The following PDE2A variants were observed in gnomAD, a reference collection of about 807,000 sequenced individuals.
PDE2A encodes phosphodiesterase 2A.
In PDE2A, 53 loss-of-function variants were observed where a neutral mutation model predicts 133.6. That is an observed-to-expected ratio of 0.40 (90% confidence interval 0.32 to 0.50). The LOEUF is 0.50. Among genes scored for constraint, PDE2A ranks in the 20% least tolerant of loss-of-function variants. PDE2A has a pLI of 0.73. For synonymous variants in PDE2A, 491 were observed against 490.2 expected, an observed-to-expected ratio of 1.00 and a Z score of -0.02; for missense variants, 796 against 1,232.4, an observed-to-expected ratio of 0.65 and a Z score of 5.30.
chr11:72,670,779 G>A (rs1565201421), intron 1 of PDE2A, among the ~76,000 whole-genome samples: 1 of 152,142 alleles, frequency 6.6e-6, no homozygotes, highest in East Asian at 1.9e-4. Flanking sequence ...CATAAGGCCA[G>A]GCTGGGTAGC....
rs565888363 is a variant in PDE2A, at chr11:72,655,729, C to T, written c.72-13403G>A. On this transcript the variant is annotated intron_variant, in intron 1 of 30. Coordinates refer to ENST00000334456, the MANE Select transcript of PDE2A (RefSeq NM_002599.5). ...TGATACATATGGCTCTGCAACAATACTTGCCATACAATATTCTTTTGCTAC... is the reference window on the plus strand; with the variant it reads ...TGATACATATGGCTCTGCAACAATATTTGCCATACAATATTCTTTTGCTAC... 8.5e-5 allele frequency among the ~76,000 whole-genome samples: 13 copies of T among 152,254 alleles called. No individual in the cohort carries two copies. In the South Asian group the frequency reaches 2.5e-3, roughly 29 times the overall value.
Position 72,674,221 on chromosome 11 carries a change from C to G in PDE2A, c.-14G>C, listed in dbSNP as rs539393927. ...TGCCTGCCCCATCACTCCTCATCGT[C>G]CGCCTCCCCAGCCAGACTAAGGTGG... On this transcript the variant is annotated 5_prime_UTR_variant, in exon 1 of 31. Transcript: ENST00000334456. The G allele has an allele frequency of 3.1e-6, 5 of 1,606,056 alleles. No individual in the cohort carries two copies. In the African/African-American group the frequency reaches 5.3e-5, roughly 17 times the overall value.
At chr11:72,631,397 G>A (rs754979354) in intron 2 of PDE2A, among the ~76,000 whole-genome samples, 10 of 152,062 alleles carry the variant, frequency 6.6e-5, no homozygotes, top group South Asian at 2.1e-4. Context: ...GGCTCCTAAG[G>A]AGTGGAAATG....
chr11:72,636,137 T>C, intron 2 of PDE2A: 2 of 1,184,108 alleles, frequency 1.7e-6, no homozygotes, highest in Non-Finnish European at 2.2e-6. Context: ...GAGTACAGGC[T>C]CTGCAGAGGA....
At chr11:72,669,021 C>G in intron 1 of PDE2A, 11 of 969,542 alleles carry the variant, frequency 1.1e-5, no homozygotes, top group Non-Finnish European at 1.4e-5. Context: ...TTTGTGAGCA[C>G]CTGCCGCATG....
At chr11:72,669,662 G>T (rs930269877) in intron 1 of PDE2A, among the ~76,000 whole-genome samples, 2 of 152,130 alleles carry the variant, frequency 1.3e-5, no homozygotes, top group African/African-American at 4.8e-5. Context: ...CTGGAGGCTG[G>T]GGCAGAGGGG....
At position 72,576,677 on chromosome 11, in the gene PDE2A, C is replaced by G. The variant is rs1297624405; in HGVS notation, c.*707G>C. On this transcript the variant is annotated 3_prime_UTR_variant, in exon 31 of 31. Coordinates refer to ENST00000334456, the MANE Select transcript of PDE2A (RefSeq NM_002599.5). ...GGGAAGAGACTCGCCCAGCGTCACA[C>G]AGGCAGGAGGAAGCATGGCTGGCTC... The G allele has an allele frequency of 1.2e-5, 2 of 169,420 alleles. No individual in the cohort carries two copies. Among genetic ancestry groups the G allele is most frequent in the Middle Eastern group, 5.1e-4 (1 of 1,950 alleles). 10.5% of individuals were successfully genotyped at this position (169,420 alleles called of 1,614,324 possible). A position where few individuals can be genotyped will look rare whatever the true frequency, so the allele number is the denominator to read the frequency against.
intron 2 of PDE2A, among the ~76,000 whole-genome samples, chr11:72,641,679 G>A (rs1050035240): frequency 8.5e-5 from 13 of 152,296 alleles, no homozygotes; most frequent in African/African-American, 3.1e-4. Context: ...TCGGGGAGTG[G>A]GTCCCACAGA....
Position 72,590,024 on chromosome 11 carries a change from G to A in PDE2A, c.757-43C>T, listed in dbSNP as rs1417518389. 3 of 1,547,956 alleles carry A rather than the reference G, an allele frequency of 1.9e-6. No individual in the cohort carries two copies. The highest frequency in any genetic ancestry group is 2.6e-6 in the Non-Finnish European group (3 of 1,133,580). ...AGGGCGAGGGGGTGACCGCGGATCC[G>A]GGTCACCCCACTCCCCACCTGCTCC... On this transcript the variant is annotated intron_variant, in intron 9 of 30. Coordinates refer to ENST00000334456, the MANE Select transcript of PDE2A (RefSeq NM_002599.5). The surrounding 1 kb of genome is among the most constrained non-coding windows in gnomAD (Gnocchi z 4.8).
intron 3 of PDE2A, among the ~76,000 whole-genome samples, chr11:72,608,410 C>T (rs1407108539): frequency 6.6e-6 from 1 of 152,214 alleles, no homozygotes; most frequent in Non-Finnish European, 1.5e-5. Context: ...TCCACTTAAC[C>T]TCTAAGGCCC....
intron 2 of PDE2A, among the ~76,000 whole-genome samples, chr11:72,638,865 A>G (rs1858825303): frequency 1.3e-5 from 2 of 152,240 alleles, no homozygotes. Context: ...CCAAAGCCAG[A>G]CAGTGTTGCC....
intron 2 of PDE2A, among the ~76,000 whole-genome samples, chr11:72,619,760 C>T (rs11820891): frequency 0.031 from 4,679 of 152,206 alleles, 246 homozygotes; most frequent in African/African-American, 0.11. Flanking sequence ...TCCTCCTCTG[C>T]GCACCCCTGT....
chr11:72,583,698 C>A, intron 19 of PDE2A, 183 bp from the exon 20 acceptor site: 1 of 590,644 alleles, frequency 1.7e-6, no homozygotes, highest in Non-Finnish European at 3.0e-6. Context: ...AGACCCCGCG[C>A]CGGTTCCTCC....
intron 22 of PDE2A, 31 bp downstream of exon 22, chr11:72,581,846 G>A (rs370269529): frequency 8.7e-5 from 140 of 1,604,430 alleles, no homozygotes; most frequent in Non-Finnish European, 1.1e-4. Flanking sequence ...AGAGGGAGGC[G>A]AAGACTGGGG....
In PDE2A at chr11:72,642,102, C is replaced by T. The variant is rs541233130; in HGVS notation, c.144+152G>A. The T allele has an allele frequency of 1.2e-5, 14 of 1,151,794 alleles. No individual in the cohort carries two copies. The East Asian group carries it at 4.2e-4, about 35-fold the overall frequency. 71.3% of individuals were successfully genotyped at this position (1,151,794 alleles called of 1,614,324 possible). A position where few individuals can be genotyped will look rare whatever the true frequency, so the allele number is the denominator to read the frequency against. On this transcript the variant is annotated intron_variant, in intron 2 of 30. Transcript: ENST00000334456. ...GGACTGAGAGCTGGGGCTTCAAGGGCTCTTGGTCTGCGCTGCCGTCCCAGC... is the reference window on the plus strand; with the variant it reads ...GGACTGAGAGCTGGGGCTTCAAGGGTTCTTGGTCTGCGCTGCCGTCCCAGC...
Position 72,590,056 on chromosome 11 carries a change from C to T in PDE2A, c.757-75G>A, listed in dbSNP as rs759654043. Reference sequence around the variant, plus strand: ...CCCACTCCCCACCTGCTCCCCTCTCCGGGGCTCTTCAGGCGGGTGGAGGAG... The same window carrying T: ...CCCACTCCCCACCTGCTCCCCTCTCTGGGGCTCTTCAGGCGGGTGGAGGAG... On this transcript the variant is annotated intron_variant, in intron 9 of 30. Transcript: ENST00000334456. The surrounding 1 kb of genome is among the most constrained non-coding windows in gnomAD (Gnocchi z 4.8). The T allele has an allele frequency of 2.8e-6, 4 of 1,430,080 alleles. No individual in the cohort carries two copies. The highest frequency in any genetic ancestry group is 3.8e-6 in the Non-Finnish European group (4 of 1,039,676). 88.6% of individuals were successfully genotyped at this position (1,430,080 alleles called of 1,614,324 possible). A position where few individuals can be genotyped will look rare whatever the true frequency, so the allele number is the denominator to read the frequency against.
intron 2 of PDE2A, among the ~76,000 whole-genome samples, chr11:72,637,545 C>T (rs926022806): frequency 6.6e-6 from 1 of 152,234 alleles, no homozygotes; most frequent in Admixed American, 6.5e-5. Flanking sequence ...GAACTGGAGA[C>T]TTCCTGGAGG....
intron 20 of PDE2A, among the ~76,000 whole-genome samples, chr11:72,582,791 A>C (rs1022124195): frequency 3.3e-5 from 5 of 152,270 alleles, no homozygotes; most frequent in Admixed American, 3.3e-4. Flanking sequence ...CTGTAACAGC[A>C]TAACCTTGGC....
chr11:72,590,153 C>G lies in PDE2A; in HGVS notation c.756+39G>C. ...GGGGAAGTTGGTCCCCGGAGGGAGACAGGACGGGGAGGTGGCCGGCAGGGG... is the reference window on the plus strand; with the variant it reads ...GGGGAAGTTGGTCCCCGGAGGGAGAGAGGACGGGGAGGTGGCCGGCAGGGG... On this transcript the variant is annotated intron_variant, in intron 9 of 30. Coordinates refer to ENST00000334456, the MANE Select transcript of PDE2A (RefSeq NM_002599.5). This position sits in a 1 kb window ranked among gnomAD's most constrained non-coding sequence, Gnocchi z 4.8. 6.5e-7 allele frequency: 1 copy of G among 1,531,152 alleles called. No homozygotes were observed. The highest frequency in any genetic ancestry group is 1.2e-5 in the South Asian group (1 of 83,096). The allele number at this position is 1,531,152 out of a possible 1,614,324, so 94.8% of individuals were successfully genotyped here.
Sources: allele counts gnomAD v4.1 joint callset (sites outside exome capture counted in the v4.1 genomes callset), GRCh38; gene constraint gnomAD v4.1.1; non-coding constraint Gnocchi (gnomAD v3.1); transcripts MANE v1.5; gene names NCBI Gene and HGNC (gene_info 2026-07-23, HGNC 2026-07-21).